The following TMEM178B variants were observed in gnomAD, a reference collection of about 807,000 sequenced individuals.
TMEM178B encodes transmembrane protein 178B.
A neutral mutation model predicts 31.0 loss-of-function variants in TMEM178B; 5 were observed. The ratio of observed to expected loss-of-function variants is 0.16; its 90% confidence interval spans 0.08 to 0.34. The LOEUF is 0.34. Ranked by LOEUF, TMEM178B falls within the 10% of genes least tolerant of loss-of-function variation. The probability of loss-of-function intolerance (pLI) is 1.00; values close to 1 mark genes in which losing one functional copy is unlikely to be tolerated. For missense variants in TMEM178B, 275 were observed against 400.3 expected, an observed-to-expected ratio of 0.69 and a Z score of 2.67; for synonymous variants, 164 against 164.0, an observed-to-expected ratio of 1.00 and a Z score of 0.00.
intron 2 of TMEM178B, among the ~76,000 whole-genome samples, chr7:141,355,795 A>C (rs1177032526): frequency 6.6e-6 from 1 of 152,192 alleles, no homozygotes; most frequent in Non-Finnish European, 1.5e-5. Context: ...TTGAGGTACG[A>C]TTGAACTCAT....
chr7:141,335,710 G>A (rs898712792), intron 2 of TMEM178B, among the ~76,000 whole-genome samples: 1 of 152,180 alleles, frequency 6.6e-6, no homozygotes, highest in Admixed American at 6.5e-5. Context: ...CATCACAGAT[G>A]TGTTCATAGC....
At chr7:141,256,142 G>C (rs1797924427) in intron 2 of TMEM178B, among the ~76,000 whole-genome samples, 1 of 152,064 alleles carries the variant, frequency 6.6e-6, no homozygotes, top group Non-Finnish European at 1.5e-5. Context: ...GCACCTACCT[G>C]TGGTAGGGCA....
intron 2 of TMEM178B, chr7:141,414,473 A>C (rs1801061999): frequency 6.6e-6 from 1 of 152,456 alleles, no homozygotes; most frequent in South Asian, 2.1e-4. Context: ...GGAATAGTTT[A>C]GGTCGTTTTC....
chr7:141,404,290 G>A (rs1586938380), intron 2 of TMEM178B, among the ~76,000 whole-genome samples: 1 of 152,204 alleles, frequency 6.6e-6, no homozygotes, highest in East Asian at 1.9e-4. Context: ...GGGCAACAGA[G>A]TGAGACTCCA....
intron 2 of TMEM178B, among the ~76,000 whole-genome samples, chr7:141,289,740 A>C (rs1176416758): frequency 6.6e-6 from 1 of 151,684 alleles, no homozygotes; most frequent in Non-Finnish European, 1.5e-5. Flanking sequence ...AAGAAAAAAG[A>C]AAAAGAAAGA....
At chr7:141,284,759 C>G (rs1798416911) in intron 2 of TMEM178B, among the ~76,000 whole-genome samples, 1 of 152,108 alleles carries the variant, frequency 6.6e-6, no homozygotes. Flanking sequence ...CTGTTCAAAC[C>G]CAGTCTGAAG....
intron 2 of TMEM178B, among the ~76,000 whole-genome samples, chr7:141,355,462 C>T (rs558641750): frequency 6.6e-6 from 1 of 152,214 alleles, no homozygotes; most frequent in South Asian, 2.1e-4. Context: ...CACTGATTTT[C>T]TTAAAGAGAA....
chr7:141,115,174 C>T (rs1032686164), intron 1 of TMEM178B, among the ~76,000 whole-genome samples: 1 of 152,172 alleles, frequency 6.6e-6, no homozygotes, highest in African/African-American at 2.4e-5. Context: ...TCCCGAGTAG[C>T]TGGGATTACA....
the TMEM178B span, among the ~76,000 whole-genome samples, chr7:141,498,679 T>C: frequency 1.5e-4 from 23 of 152,202 alleles, no homozygotes; most frequent in South Asian, 4.1e-4. Flanking sequence ...TCCTTTAGCA[T>C]TGGACAAAAA....
intron 1 of TMEM178B, among the ~76,000 whole-genome samples, chr7:141,189,729 A>T (rs1329683585): frequency 6.6e-6 from 1 of 152,198 alleles, no homozygotes; most frequent in Non-Finnish European, 1.5e-5. Context: ...TGTGTCGGCC[A>T]TTCTAACGTC....
intron 2 of TMEM178B, among the ~76,000 whole-genome samples, chr7:141,283,225 G>C (rs561915926): frequency 2.9e-4 from 44 of 152,324 alleles, no homozygotes; most frequent in Admixed American, 7.8e-4. Context: ...GGTTCAAAAT[G>C]CCTCTAACGT....
chr7:141,299,770 CCA>C (rs1798693129), intron 2 of TMEM178B, among the ~76,000 whole-genome samples: 2 of 152,044 alleles, frequency 1.3e-5, no homozygotes, highest in Non-Finnish European at 2.9e-5. Flanking sequence ...TCTGTGAGGT[CCA>C]CAGAGTGACT....
At chr7:141,495,999 G>T in the TMEM178B span, among the ~76,000 whole-genome samples, 5 of 152,140 alleles carry the variant, frequency 3.3e-5, no homozygotes, top group African/African-American at 9.7e-5. Flanking sequence ...TTACATACTT[G>T]ATCTTTTGCA....
chr7:141,450,282 A>T (rs747531236), intron 3 of TMEM178B, among the ~76,000 whole-genome samples: 13 of 152,198 alleles, frequency 8.5e-5, no homozygotes, highest in Non-Finnish European at 1.5e-4. Flanking sequence ...AACCATTTGA[A>T]CATGCCCAAT....
intron 2 of TMEM178B, among the ~76,000 whole-genome samples, chr7:141,224,483 C>T (rs1184114716): frequency 1.3e-5 from 2 of 152,222 alleles, no homozygotes; most frequent in Non-Finnish European, 2.9e-5. Context: ...TAGGAATGCA[C>T]ATTTCCTTGA....
At chr7:141,374,399 C>T (rs1253148783) in intron 2 of TMEM178B, among the ~76,000 whole-genome samples, 10 of 152,128 alleles carry the variant, frequency 6.6e-5, no homozygotes, top group Admixed American at 4.6e-4. Flanking sequence ...CACACAGATA[C>T]GCAGCATAGA....
chr7:141,472,865 C>T lies in TMEM178B; in HGVS notation c.*2079C>T, dbSNP rs771910330. On this transcript the variant is annotated 3_prime_UTR_variant, in exon 4 of 4. Transcript: ENST00000565468. ...TGAATGGGGTTGAATGTGGATCTCT[C>T]TGTATGTGTATCTCTCTGGTGCATT... 1 of 152,044 alleles carries T rather than the reference C, an allele frequency of 6.6e-6. No individual in the cohort carries two copies. The highest frequency in any genetic ancestry group is 1.5e-5 in the Non-Finnish European group (1 of 68,042). The allele number at this position is 152,044 out of a possible 1,614,324, so 9.4% of individuals were successfully genotyped here.
At chr7:141,089,319 G>A (rs1380285655) in intron 1 of TMEM178B, among the ~76,000 whole-genome samples, 1 of 152,186 alleles carries the variant, frequency 6.6e-6, no homozygotes, top group Non-Finnish European at 1.5e-5. Context: ...TTGGAGGTAG[G>A]GGGCCGAGAT....
chr7:141,188,725 G>T (rs965073195), intron 1 of TMEM178B, among the ~76,000 whole-genome samples: 14 of 152,230 alleles, frequency 9.2e-5, no homozygotes, highest in Non-Finnish European at 1.8e-4. Context: ...AGAGCTGATT[G>T]CTCTGTGCTG....
Sources: gnomAD v4.1 joint callset for allele counts (sites outside exome capture counted in the v4.1 genomes callset) on GRCh38, gnomAD v4.1.1 for gene constraint, MANE v1.5 for transcripts, NCBI Gene and HGNC (gene_info 2026-07-23, HGNC 2026-07-21) for gene names.